The following GRIK3 variants were observed in gnomAD, a reference collection of about 807,000 sequenced individuals.
The protein encoded by GRIK3 is glutamate ionotropic receptor kainate type subunit 3.
In GRIK3, 29 loss-of-function variants were observed where a neutral mutation model predicts 102.5. The ratio of observed to expected loss-of-function variants is 0.28; its 90% CI spans 0.21 to 0.39. GRIK3 has a LOEUF of 0.39. GRIK3 is among the 10% of genes least tolerant of loss of function. The pLI is 1.00. For synonymous variants in GRIK3, 511 were observed against 504.9 expected, an observed-to-expected ratio of 1.01 and a Z score of -0.16; for missense variants, 908 against 1,252.4, an observed-to-expected ratio of 0.73 and a Z score of 4.15.
intron 4 of GRIK3, 80 bp from the exon 5 acceptor site, chr1:36,869,881 G>A: frequency 9.4e-7 from 1 of 1,062,522 alleles, no homozygotes; most frequent in Non-Finnish European, 1.5e-6. Context: ...GGCTGAGAAT[G>A]GGACTGGCAG....
At chr1:36,860,364 C>T (rs1469474704) in intron 5 of GRIK3, among the ~76,000 whole-genome samples, 1 of 152,202 alleles carries the variant, frequency 6.6e-6, no homozygotes, top group Non-Finnish European at 1.5e-5. Context: ...AATGAGGCTG[C>T]TTCCTTTCAA....
rs377198441 is a variant in GRIK3, at chr1:36,824,545, G to T, written c.1754+1058C>A. 8.3e-4 allele frequency among the ~76,000 whole-genome samples: 126 copies of T among 152,294 alleles called. 1 individual carries two copies. The highest frequency in any genetic ancestry group is 2.7e-3 in the African/African-American group (111 of 41,572). ...AGGAGGGAGCGGAAGGGAGTGAAGT[G>T]GGGGGAGGGCGGCTTTTAAAGAAGG... is the stretch of plus-strand genomic sequence containing the variant. On this transcript the variant is annotated intron_variant, in intron 11 of 15. Coordinates refer to ENST00000373091, the MANE Select transcript of GRIK3 (RefSeq NM_000831.4).
chr1:36,943,682 G>A (rs965155133), intron 1 of GRIK3, among the ~76,000 whole-genome samples: 1 of 152,150 alleles, frequency 6.6e-6, no homozygotes, highest in Admixed American at 6.5e-5. Flanking sequence ...GAAAATGAAC[G>A]AATAGTAGCA....
At chr1:36,912,745 G>A (rs928077188) in intron 1 of GRIK3, among the ~76,000 whole-genome samples, 14 of 152,084 alleles carry the variant, frequency 9.2e-5, no homozygotes, top group Non-Finnish European at 1.6e-4. Context: ...GTGAGGACAC[G>A]CCTTTGTCAT....
chr1:36,962,754 AC>A (rs1159632732), intron 1 of GRIK3, among the ~76,000 whole-genome samples: 4 of 151,904 alleles, frequency 2.6e-5, no homozygotes, highest in African/African-American at 9.7e-5. Context: ...ACCAATACAA[AC>A]GGATAAAAAA....
At chr1:36,933,601 C>T (rs1641621031) in intron 1 of GRIK3, among the ~76,000 whole-genome samples, 1 of 152,228 alleles carries the variant, frequency 6.6e-6, no homozygotes, top group Non-Finnish European at 1.5e-5. Flanking sequence ...TCACCGACAA[C>T]TGAGTGACTA....
intron 1 of GRIK3, among the ~76,000 whole-genome samples, chr1:37,001,462 CT>C (rs1175747555): frequency 1.3e-5 from 2 of 152,280 alleles, no homozygotes; most frequent in African/African-American, 2.4e-5. Flanking sequence ...CAGTCCTGGC[CT>C]TCCCCAGGTG....
At chr1:36,948,692 C>A (rs993700168) in intron 1 of GRIK3, among the ~76,000 whole-genome samples, 1 of 152,198 alleles carries the variant, frequency 6.6e-6, no homozygotes, top group Non-Finnish European at 1.5e-5. Context: ...CGGCTCCTCA[C>A]CAGCAAGGCC....
chr1:36,853,923 C>T (rs1640617194), intron 7 of GRIK3, among the ~76,000 whole-genome samples: 1 of 152,158 alleles, frequency 6.6e-6, no homozygotes. Flanking sequence ...GCTCTTTAGC[C>T]AGCTTTACAT....
chr1:36,921,463 C>A (rs1247882455), intron 1 of GRIK3, among the ~76,000 whole-genome samples: 3 of 152,188 alleles, frequency 2.0e-5, no homozygotes, highest in Admixed American at 6.5e-5. Flanking sequence ...CACTGCTTAA[C>A]CTCTGAACGA....
chr1:37,014,931 TTG>T (rs1370488353), intron 1 of GRIK3, among the ~76,000 whole-genome samples: 1 of 117,798 alleles, frequency 8.5e-6, no homozygotes, highest in African/African-American at 3.8e-5. Flanking sequence ...CTCTCTGTTT[TTG>T]TCTCTCTCTC....
intron 1 of GRIK3, among the ~76,000 whole-genome samples, chr1:36,990,078 C>T (rs1465299340): frequency 6.6e-6 from 1 of 152,160 alleles, no homozygotes; most frequent in Non-Finnish European, 1.5e-5. Context: ...CAGCACTGCA[C>T]TGGACAAGGA....
rs1235318001 is a variant in GRIK3, at chr1:36,798,562, T to A, written c.*3289A>T. On this transcript the variant is annotated 3_prime_UTR_variant, in exon 16 of 16. Transcript: ENST00000373091. ...GACCTAAACTTAAAAAAACACAAGA[T>A]CTGCCTCACTGAAAACACCTCCCCA... 1 of 152,248 alleles carries A rather than the reference T, an allele frequency of 6.6e-6. No homozygotes were observed. The highest frequency in any genetic ancestry group is 1.5e-5 in the Non-Finnish European group (1 of 68,092). 9.4% of individuals were successfully genotyped at this position (152,248 alleles called of 1,614,324 possible).
intron 1 of GRIK3, among the ~76,000 whole-genome samples, chr1:36,907,385 C>T (rs911394941): frequency 3.9e-5 from 6 of 152,152 alleles, no homozygotes; most frequent in Admixed American, 1.3e-4. Context: ...TTCACCACAG[C>T]AGGAGGGGGC....
rs114486970 is a variant in GRIK3 at position 36,927,001 on chromosome 1, T to C, written c.116-35905A>G. On this transcript the variant is annotated intron_variant, in intron 1 of 15. Transcript: ENST00000373091. ...CTTTTCTAAAGTTGAACAGACACAT[T>C]TCCCTTCCCCAGGTACTGCCTGAAT... Among the ~76,000 whole-genome samples, 172 of 152,290 alleles carry C rather than the reference T, an allele frequency of 1.1e-3. 1 individual carries two copies. Among genetic ancestry groups the C allele is most frequent in the African/African-American group, 3.7e-3 (154 of 41,550 alleles).
chr1:37,029,326 T>C (rs768590738), intron 1 of GRIK3, among the ~76,000 whole-genome samples: 28 of 152,158 alleles, frequency 1.8e-4, no homozygotes, highest in East Asian at 3.9e-4. Flanking sequence ...TCCTGCAACA[T>C]TGGTCCTCTC....
intron 4 of GRIK3, among the ~76,000 whole-genome samples, chr1:36,870,368 T>C (rs1640829978): frequency 1.3e-5 from 2 of 152,268 alleles, no homozygotes; most frequent in Admixed American, 1.3e-4. Context: ...TGTGGAATTC[T>C]TACCGTCTGC....
chr1:36,905,950 G>T (rs1331837197), intron 1 of GRIK3, among the ~76,000 whole-genome samples: 1 of 152,190 alleles, frequency 6.6e-6, no homozygotes, highest in African/African-American at 2.4e-5. Context: ...CTTGGCAGGT[G>T]GGGAGGAGGG....
intron 1 of GRIK3, among the ~76,000 whole-genome samples, chr1:36,953,465 T>C (rs1265149431): frequency 1.3e-5 from 2 of 152,136 alleles, no homozygotes; most frequent in Non-Finnish European, 2.9e-5. Context: ...GAGAGTGCCA[T>C]GATCAAAATT....
Sources: gnomAD v4.1 joint callset for allele counts (sites outside exome capture counted in the v4.1 genomes callset) on GRCh38, gnomAD v4.1.1 for gene constraint, MANE v1.5 for transcripts, NCBI Gene and HGNC (gene_info 2026-07-23, HGNC 2026-07-21) for gene names.